The following ESYT2 variants were observed in gnomAD, a reference collection of about 807,000 sequenced individuals.
ESYT2 encodes extended synaptotagmin 2.
In ESYT2, 54 loss-of-function variants were observed where a neutral mutation model predicts 107.2. That is an observed-to-expected ratio of 0.50 (90% CI 0.40 to 0.63). ESYT2 has a LOEUF of 0.63. Among genes scored for constraint, ESYT2 ranks in the 30% least tolerant of loss-of-function variants. ESYT2 has a pLI of 0.00. For synonymous variants in ESYT2, 491 were observed against 434.1 expected (o/e 1.13, Z -1.63); for missense variants, 1,020 against 1,094.5 (o/e 0.93, Z 0.96).
rs757885693 is a variant in ESYT2 at position 158,763,147 on chromosome 7, G to A, written c.1120C>T (p.Pro374Ser). 5.3e-5 allele frequency: 86 copies of A among 1,612,646 alleles called. No homozygotes were observed. The highest frequency in any genetic ancestry group is 7.2e-5 in the Non-Finnish European group (85 of 1,179,366). ...AGCTCAATCTCTAATTCTTGTCCAG[G>A]ATGTTCATACACTAAAGCCTAAAAC... The part of the protein sequence containing the change: ...EVYEALVYEH[P>S]GQELEIELFD... The change falls in exon 10 of 23, where the codon CCT becomes TCT. Residue 374 changes from proline to serine, a missense_variant. By Grantham distance (74) the Pro-to-Ser change is moderately conservative. Transcript: ENST00000275418.
intron 16 of ESYT2, chr7:158,743,910 T>G: frequency 2.5e-6 from 1 of 400,878 alleles, no homozygotes; most frequent in Non-Finnish European, 4.4e-6. Context: ...TCATCTCTAC[T>G]AAAAATACAA....
chr7:158,782,895 T>C (rs1838963673), intron 6 of ESYT2, among the ~76,000 whole-genome samples: 1 of 151,646 alleles, frequency 6.6e-6, no homozygotes, highest in Non-Finnish European at 1.5e-5. Flanking sequence ...AATGGGTGTG[T>C]GAGACAGGAG....
chr7:158,782,136 C>G (rs1164984359), intron 6 of ESYT2, among the ~76,000 whole-genome samples: 1 of 18,304 alleles, frequency 5.5e-5, no homozygotes, highest in African/African-American at 1.8e-4. Context: ...AGAACGAGAA[C>G]AAGTGAGTGA....
chr7:158,791,603 A>G (rs1383351169), intron 4 of ESYT2, among the ~76,000 whole-genome samples: 8 of 152,216 alleles, frequency 5.3e-5, no homozygotes, highest in African/African-American at 1.9e-4. Context: ...TTCTTTTGAC[A>G]GTAGCCTTTC....
Position 158,737,166 on chromosome 7 carries a change from A to T in ESYT2, c.2281T>A (p.Phe761Ile). Residue 761 changes from phenylalanine (F) to isoleucine (I), a missense_variant, in exon 20 of 23, where the codon TTC (phenylalanine) becomes ATC (isoleucine). Coordinates refer to ENST00000275418, the MANE Select transcript of ESYT2 (RefSeq NM_001367773.1). ...TAGGGGTCAGAGCCGTCTTCAGAGAAGGCAATGAGGTTTCTTACAACACAA... is the reference window on the plus strand; with the variant it reads ...TAGGGGTCAGAGCCGTCTTCAGAGATGGCAATGAGGTTTCTTACAACACAA... Reference protein sequence around the residue: ...VVHACRNLIAFSEDGSDPYVR... With the variant: ...VVHACRNLIAISEDGSDPYVR... 1 of 1,613,808 alleles carries T rather than the reference A, an allele frequency of 6.2e-7. No individual in the cohort carries two copies. Among genetic ancestry groups the T allele is most frequent in the African/African-American group, 1.3e-5 (1 of 75,048 alleles).
intron 14 of ESYT2, among the ~76,000 whole-genome samples, chr7:158,750,214 C>T (rs859768): frequency 0.94 from 143,197 of 152,106 alleles, 67,454 homozygotes; most frequent in East Asian, 0.95. Context: ...TAAGCTTTCA[C>T]ATATCAAATC....
At chr7:158,762,236 C>T (rs1221019257) in intron 10 of ESYT2, among the ~76,000 whole-genome samples, 3 of 152,228 alleles carry the variant, frequency 2.0e-5, no homozygotes, top group African/African-American at 4.8e-5. Flanking sequence ...ATGTCTACAC[C>T]GCCTTCTCTC....
chr7:158,782,134 A>G (rs1475855900), intron 6 of ESYT2, among the ~76,000 whole-genome samples: 2 of 18,612 alleles, frequency 1.1e-4, no homozygotes, highest in African/African-American at 3.5e-4. Context: ...TAAGAACGAG[A>G]ACAAGTGAGT....
At chr7:158,744,571 C>G (rs1420950727) in intron 16 of ESYT2, among the ~76,000 whole-genome samples, 2 of 152,078 alleles carry the variant, frequency 1.3e-5, no homozygotes, top group East Asian at 3.9e-4. Flanking sequence ...ACTATGTTGC[C>G]CAGGCTGTTC....
chr7:158,743,424 G>A (rs1021883026), intron 17 of ESYT2, 105 bp downstream of exon 17: 14 of 1,446,824 alleles, frequency 9.7e-6, no homozygotes, highest in African/African-American at 7.4e-5. Context: ...AGCTGCAGCC[G>A]ACACAGAGCT....
chr7:158,773,303 T>C (rs1457151348), intron 7 of ESYT2, 38 bp downstream of exon 7: 8 of 1,612,652 alleles, frequency 5.0e-6, no homozygotes, highest in Non-Finnish European at 6.8e-6. Flanking sequence ...CAACACGCCC[T>C]CGAACGCTAA....
intron 14 of ESYT2, among the ~76,000 whole-genome samples, chr7:158,752,011 G>A (rs552986384): frequency 9.9e-4 from 150 of 152,280 alleles, no homozygotes; most frequent in South Asian, 2.3e-3. Context: ...GACTCTGCCA[G>A]TCTCCTGCAC....
intron 6 of ESYT2, among the ~76,000 whole-genome samples, chr7:158,787,491 TGGAA>T (rs1475776470): frequency 6.6e-6 from 1 of 152,172 alleles, no homozygotes; most frequent in Non-Finnish European, 1.5e-5. Context: ...CCCTTATCTC[TGGAA>T]GGGAGAAGAG....
intron 1 of ESYT2, among the ~76,000 whole-genome samples, chr7:158,812,518 A>G (rs1840018109): frequency 6.6e-6 from 1 of 152,216 alleles, no homozygotes; most frequent in African/African-American, 2.4e-5. Context: ...GAGAATGTAA[A>G]ATGGTACAGG....
Position 158,757,775 on chromosome 7 carries a change from G to T in ESYT2, c.1419+1711C>A, listed in dbSNP as rs7810423. ...CTGGGTTTTTTTTTTTTTGTTTTTT[G>T]TTTTTTTTGCTTATGTGACATTATT... On this transcript the variant is annotated intron_variant, in intron 13 of 22. Transcript: ENST00000275418. Among the ~76,000 whole-genome samples the T allele has an allele frequency of 5.0e-3, 708 of 142,994 alleles. 8 individuals carry two copies. Among genetic ancestry groups the T allele is most frequent in the African/African-American group, 0.019 (665 of 34,530 alleles). 93.8% of individuals were successfully genotyped at this position (142,994 alleles called of 152,430 possible).
At chr7:158,815,503 A>C (rs764030153) in intron 1 of ESYT2, among the ~76,000 whole-genome samples, 4 of 152,070 alleles carry the variant, frequency 2.6e-5, no homozygotes, top group Non-Finnish European at 2.9e-5. Context: ...ATGTGTCCCC[A>C]GTCCCTCTGG....
At chr7:158,786,338 A>G (rs1839115134) in intron 6 of ESYT2, among the ~76,000 whole-genome samples, 1 of 152,238 alleles carries the variant, frequency 6.6e-6, no homozygotes, top group Non-Finnish European at 1.5e-5. Flanking sequence ...AAAAATACTT[A>G]GCAATTTGTT....
intron 1 of ESYT2, among the ~76,000 whole-genome samples, chr7:158,802,069 T>C (rs565633157): frequency 2.6e-5 from 4 of 152,330 alleles, no homozygotes; most frequent in East Asian, 3.9e-4. Flanking sequence ...TGCTGAAGTA[T>C]ACAGGATGGA....
At chr7:158,811,417 G>A (rs1283359532) in intron 1 of ESYT2, among the ~76,000 whole-genome samples, 1 of 152,200 alleles carries the variant, frequency 6.6e-6, no homozygotes, top group Non-Finnish European at 1.5e-5. Flanking sequence ...TCAGCTCAGT[G>A]ATAAATGAGG....
Sources: gnomAD v4.1 joint callset for allele counts (sites outside exome capture counted in the v4.1 genomes callset) on GRCh38, gnomAD v4.1.1 for gene constraint, MANE v1.5 for transcripts, NCBI Gene and HGNC (gene_info 2026-07-23, HGNC 2026-07-21) for gene names.